The following SRGAP1 variants were observed in gnomAD, a reference collection of about 807,000 sequenced individuals.
SRGAP1 encodes SLIT-ROBO Rho GTPase activating protein 1, also known as SLIT-ROBO Rho GTPase-activating protein 1.
In SRGAP1, 43 loss-of-function variants were observed where a neutral mutation model predicts 121.9. The observed-to-expected ratio is 0.35, with a 90% confidence interval of 0.28 to 0.46. SRGAP1 has a LOEUF of 0.46. Among genes scored for constraint, SRGAP1 ranks in the 20% least tolerant of loss-of-function variants. The pLI is 1.00. For synonymous variants in SRGAP1, 447 were observed against 485.4 expected (o/e 0.92, Z 1.04); for missense variants, 1,102 against 1,350.9 (o/e 0.82, Z 2.89).
intron 1 of SRGAP1, among the ~76,000 whole-genome samples, chr12:63,979,866 T>C (rs1281178993): frequency 6.6e-6 from 1 of 152,134 alleles, no homozygotes; most frequent in East Asian, 1.9e-4. Flanking sequence ...GAAGCTGCAA[T>C]GTCTTATGCA....
chr12:63,872,751 T>C (rs1259253823), intron 1 of SRGAP1, among the ~76,000 whole-genome samples: 1 of 152,250 alleles, frequency 6.6e-6, no homozygotes, highest in Admixed American at 6.5e-5. Context: ...GCAGTGTTTG[T>C]TGAATGAATA....
chr12:64,088,252 G>A (rs1448183962), intron 11 of SRGAP1, among the ~76,000 whole-genome samples: 1 of 152,116 alleles, frequency 6.6e-6, no homozygotes, highest in African/African-American at 2.4e-5. Flanking sequence ...TTTCTTCACT[G>A]TGTCAGTGAA....
In SRGAP1 at chr12:64,111,868, C is replaced by G; in HGVS notation, c.2026C>G (p.Gln676Glu). ...AGAAATACAGGATCAAGTGTCTTGC[C>G]AGGCACATGTGAATGAAATTATCAA... Reference protein sequence around the residue: ...VPEIQDQVSCQAHVNEIIKTI... With the variant: ...VPEIQDQVSCEAHVNEIIKTI... The change falls in exon 17 of 22, where the codon CAG becomes GAG. Residue 676 changes from glutamine to glutamate, a missense_variant. Physicochemically the swap from Gln to Glu is conservative, Grantham distance 29. Coordinates refer to ENST00000355086, the MANE Select transcript of SRGAP1 (RefSeq NM_020762.4). The G allele has an allele frequency of 6.2e-7, 1 of 1,613,986 alleles. No individual in the cohort carries two copies. Among genetic ancestry groups the G allele is most frequent in the Non-Finnish European group, 8.5e-7 (1 of 1,179,972 alleles).
chr12:63,929,042 G>A (rs532529049), intron 1 of SRGAP1, among the ~76,000 whole-genome samples: 12 of 150,884 alleles, frequency 8.0e-5, no homozygotes, highest in Non-Finnish European at 1.8e-4. Flanking sequence ...AACAGGCCAC[G>A]GACCAATACC....
chr12:63,886,655 A>T (rs1213253457), intron 1 of SRGAP1, among the ~76,000 whole-genome samples: 3 of 151,608 alleles, frequency 2.0e-5, no homozygotes, highest in Admixed American at 6.6e-5. Flanking sequence ...TATTTTTTGT[A>T]GATATGGGAT....
chr12:63,868,181 A>AAGC (rs1899728622), intron 1 of SRGAP1, among the ~76,000 whole-genome samples: 1 of 146,588 alleles, frequency 6.8e-6, no homozygotes, highest in Non-Finnish European at 1.5e-5. Flanking sequence ...TCCTGGGTTC[A>AAGC]AGCCATTCTC....
intron 1 of SRGAP1, among the ~76,000 whole-genome samples, chr12:63,919,492 A>T (rs1489232829): frequency 7.0e-6 from 1 of 142,648 alleles, no homozygotes; most frequent in Non-Finnish European, 1.5e-5. Flanking sequence ...GTTTTAACTT[A>T]ACATTACATA....
chr12:64,026,226 C>T (rs936759688), intron 4 of SRGAP1, among the ~76,000 whole-genome samples: 5 of 152,064 alleles, frequency 3.3e-5, no homozygotes, highest in Admixed American at 3.3e-4. Flanking sequence ...AGTGTTTTGT[C>T]CAAATTACTA....
chr12:64,131,505 G>A (rs2036784278), intron 21 of SRGAP1, among the ~76,000 whole-genome samples: 1 of 152,118 alleles, frequency 6.6e-6, no homozygotes, highest in Non-Finnish European at 1.5e-5. Context: ...CCTAGAAAGG[G>A]GCTGTAGTGC....
At position 64,091,349 on chromosome 12, in the gene SRGAP1, T is replaced by C; in HGVS notation, c.1510T>C (p.Phe504Leu). The C allele has an allele frequency of 6.2e-7, 1 of 1,609,148 alleles. No homozygotes were observed. Among genetic ancestry groups the C allele is most frequent in the South Asian group, 1.1e-5 (1 of 90,066 alleles). Reference sequence around the variant, plus strand: ...CCGCTCACAGTATAATACTAAGTTGTTTAATGGGGATTTGGAAACATTCGT... The same window carrying C: ...CCGCTCACAGTATAATACTAAGTTGCTTAATGGGGATTTGGAAACATTCGT... ...RPRSQYNTKL[F>L]NGDLETFVKD... The change falls in exon 12 of 22, where the codon TTT (phenylalanine) becomes CTT (leucine). Residue 504 changes from phenylalanine to leucine, a missense_variant. Phe to Leu is a conservative substitution (Grantham distance 22, BLOSUM62 0). Coordinates refer to ENST00000355086, the MANE Select transcript of SRGAP1 (RefSeq NM_020762.4).
chr12:64,048,349 C>T (rs961341181), intron 6 of SRGAP1, among the ~76,000 whole-genome samples: 24 of 152,110 alleles, frequency 1.6e-4, no homozygotes, highest in East Asian at 3.9e-4. Flanking sequence ...TTTTCATGGC[C>T]GAATAGAACT....
At chr12:63,880,183 G>A (rs767020789) in intron 1 of SRGAP1, among the ~76,000 whole-genome samples, 5 of 152,052 alleles carry the variant, frequency 3.3e-5, no homozygotes, top group Admixed American at 6.6e-5. Flanking sequence ...TTCGCCTACC[G>A]CCATGATTGT....
chr12:64,131,312 T>G (rs1313048999), intron 21 of SRGAP1, among the ~76,000 whole-genome samples: 1 of 152,178 alleles, frequency 6.6e-6, no homozygotes, highest in Non-Finnish European at 1.5e-5. Flanking sequence ...TGTCACCAAT[T>G]TTGCAATCAT....
At chr12:64,087,154 C>A in intron 11 of SRGAP1, 128 bp downstream of exon 11, 1 of 633,900 alleles carries the variant, frequency 1.6e-6, no homozygotes, top group Non-Finnish European at 2.6e-6. Context: ...CTTGACAAAG[C>A]ATAGCAACAT....
intron 1 of SRGAP1, among the ~76,000 whole-genome samples, chr12:63,946,356 T>C (rs550139271): frequency 1.3e-5 from 2 of 151,768 alleles, no homozygotes; most frequent in African/African-American, 2.4e-5. Flanking sequence ...ATTTAAAGTG[T>C]ACAATTTGAT....
At chr12:64,038,146 A>G (rs1024341183) in intron 4 of SRGAP1, among the ~76,000 whole-genome samples, 5 of 152,236 alleles carry the variant, frequency 3.3e-5, no homozygotes, top group African/African-American at 1.2e-4. Flanking sequence ...GGAAGAATAA[A>G]GGTACTTATT....
In SRGAP1 at chr12:64,144,463, T is replaced by C. The variant is rs1360357769; in HGVS notation, c.*1791T>C. ...CATTACTTTGATCTCTACCTCAGTT[T>C]GCCAGTGTAGTCATTCTATTGCAGG... is the stretch of plus-strand genomic sequence containing the variant. On this transcript the variant is annotated 3_prime_UTR_variant, in exon 22 of 22. Transcript: ENST00000355086. The C allele has an allele frequency of 6.6e-6, 1 of 152,210 alleles. No homozygotes were observed. Among genetic ancestry groups the C allele is most frequent in the South Asian group, 2.1e-4 (1 of 4,834 alleles). 9.4% of individuals were successfully genotyped at this position (152,210 alleles called of 1,614,324 possible).
intron 1 of SRGAP1, among the ~76,000 whole-genome samples, chr12:63,928,916 A>G (rs924615860): frequency 1.3e-5 from 2 of 152,180 alleles, no homozygotes; most frequent in African/African-American, 4.8e-5. Context: ...GGTGCCATTG[A>G]TATGACAGGA....
chr12:64,102,889 G>A (rs2036281204), intron 15 of SRGAP1, among the ~76,000 whole-genome samples: 1 of 152,162 alleles, frequency 6.6e-6, no homozygotes, highest in Non-Finnish European at 1.5e-5. Flanking sequence ...AATGATTGAG[G>A]TGATCTTGTA....
Sources: gnomAD v4.1 joint callset for allele counts (sites outside exome capture counted in the v4.1 genomes callset) on GRCh38, gnomAD v4.1.1 for gene constraint, MANE v1.5 for transcripts, NCBI Gene and HGNC (gene_info 2026-07-23, HGNC 2026-07-21) for gene names.